Variants in TBC1D1 observed in about 807,000 individuals in gnomAD.
The protein encoded by TBC1D1 is TBC1 domain family member 1, also known as TBC1 (tre-2/USP6, BUB2, cdc16) domain family, member 1.
Under a neutral mutation model 125.6 loss-of-function variants are expected in TBC1D1, and 89 were observed. The observed-to-expected ratio is 0.71, with a 90% confidence interval of 0.60 to 0.85. TBC1D1 has a LOEUF of 0.85. Ranked by LOEUF, TBC1D1 falls within the 40% of genes least tolerant of loss-of-function variation. TBC1D1 has a pLI of 0.00. For synonymous variants in TBC1D1, 565 were observed against 564.1 expected (o/e 1.00, Z -0.02); for missense variants, 1,377 against 1,469.2 (o/e 0.94, Z 1.03).
At chr4:38,115,429 C>T (rs748863206) in intron 15 of TBC1D1, among the ~76,000 whole-genome samples, 1 of 152,148 alleles carries the variant, frequency 6.6e-6, no homozygotes, top group Non-Finnish European at 1.5e-5. Context: ...GATTGAAGTT[C>T]AGCTATTTGC....
intron 8 of TBC1D1, among the ~76,000 whole-genome samples, chr4:38,039,305 G>C (rs1334607026): frequency 6.6e-6 from 1 of 151,504 alleles, no homozygotes; most frequent in Non-Finnish European, 1.5e-5. Flanking sequence ...TTTTAGTAGA[G>C]ACGGGGTTTC....
At position 38,090,000 on chromosome 4, in the gene TBC1D1, G is replaced by C. The variant is rs1327049514; in HGVS notation, c.2119G>C (p.Gly707Arg). The C allele has an allele frequency of 3.7e-6, 6 of 1,614,006 alleles. No homozygotes were observed. Among genetic ancestry groups the C allele is most frequent in the Non-Finnish European group, 5.1e-6 (6 of 1,179,954 alleles). The change falls in exon 13 of 20, where the codon GGC becomes CGC. Residue 707 changes from glycine (G) to arginine (R), a missense_variant. Coordinates refer to ENST00000261439, the MANE Select transcript of TBC1D1 (RefSeq NM_015173.4). ...ACCAGTTTGTGAAGATGGGCCCTTT[G>C]GCCCCCCACCAGAGGAAAAGAAAAG...
At position 38,137,876 on chromosome 4, in the gene TBC1D1, G is replaced by C. The variant is rs921313316; in HGVS notation, c.*541G>C. The C allele has an allele frequency of 1.3e-5, 2 of 152,766 alleles. No individual in the cohort carries two copies. Among genetic ancestry groups the C allele is most frequent in the African/African-American group, 4.8e-5 (2 of 41,432 alleles). The allele number at this position is 152,766 out of a possible 1,614,324, so 9.5% of individuals were successfully genotyped here. A position where few individuals can be genotyped will look rare whatever the true frequency, so the allele number is the denominator to read the frequency against. On this transcript the variant is annotated 3_prime_UTR_variant, in exon 20 of 20. Transcript: ENST00000261439. ...TCTTGGGTCATTGATCCCTGGCTCAGAGGATAGCGGTTTCCATCATAAACC... is the reference window on the plus strand; with the variant it reads ...TCTTGGGTCATTGATCCCTGGCTCACAGGATAGCGGTTTCCATCATAAACC...
chr4:37,951,897 G>C, intron 2 of TBC1D1: 1 of 699,778 alleles, frequency 1.4e-6, no homozygotes, highest in Non-Finnish European at 2.7e-6. Context: ...TGGAGTTCAG[G>C]TGATAATGGG....
At chr4:37,898,878 C>T (rs1205565982) in intron 1 of TBC1D1, among the ~76,000 whole-genome samples, 1 of 152,088 alleles carries the variant, frequency 6.6e-6, no homozygotes, top group African/African-American at 2.4e-5. Flanking sequence ...GCATGAGAAA[C>T]GGGGAACCAT....
intron 15 of TBC1D1, among the ~76,000 whole-genome samples, chr4:38,106,575 T>C (rs1761330729): frequency 1.3e-5 from 2 of 152,114 alleles, no homozygotes; most frequent in Admixed American, 1.3e-4. Flanking sequence ...GGTGGGAGGC[T>C]GAAAGGGAGG....
rs187600493 is a variant in TBC1D1 at position 38,039,039 on chromosome 4, T to C, written c.1413+3341T>C. 2.6e-5 allele frequency among the ~76,000 whole-genome samples: 4 copies of C among 151,580 alleles called. No individual in the cohort carries two copies. In the East Asian group the frequency reaches 7.7e-4, roughly 29 times the overall value. Reference sequence around the variant, plus strand: ...ACCCCTTCCCCCAGGTAACCACTGTTTTGATTTTTTTCACCTTAGATTAGT... The same window carrying C: ...ACCCCTTCCCCCAGGTAACCACTGTCTTGATTTTTTTCACCTTAGATTAGT... On this transcript the variant is annotated intron_variant, in intron 8 of 19. Coordinates refer to ENST00000261439, the MANE Select transcript of TBC1D1 (RefSeq NM_015173.4).
intron 13 of TBC1D1, among the ~76,000 whole-genome samples, chr4:38,092,593 G>A (rs1758605472): frequency 6.6e-6 from 1 of 151,898 alleles, no homozygotes; most frequent in Admixed American, 6.6e-5. Context: ...AAATTAGCCA[G>A]GTGTGGTTGT....
intron 2 of TBC1D1, among the ~76,000 whole-genome samples, chr4:37,962,735 T>C (rs1416988698): frequency 1.3e-5 from 2 of 152,240 alleles, no homozygotes; most frequent in Non-Finnish European, 2.9e-5. Flanking sequence ...GTAGTTATGA[T>C]ATTTTTTATT....
intron 12 of TBC1D1, among the ~76,000 whole-genome samples, chr4:38,087,332 G>GAGTA (rs1021478804): frequency 6.6e-6 from 1 of 152,174 alleles, no homozygotes; most frequent in Non-Finnish European, 1.5e-5. Context: ...AAGTGGCAGA[G>GAGTA]AGTACATGGA....
intron 2 of TBC1D1, among the ~76,000 whole-genome samples, chr4:37,929,372 A>G (rs1307963852): frequency 2.0e-5 from 3 of 152,254 alleles, no homozygotes; most frequent in African/African-American, 7.2e-5. Flanking sequence ...GTTAAAATGC[A>G]AGATCATGTA....
At chr4:38,023,346 A>G (rs1180947209) in intron 6 of TBC1D1, among the ~76,000 whole-genome samples, 2 of 152,202 alleles carry the variant, frequency 1.3e-5, no homozygotes. Flanking sequence ...TAGTAAAAAC[A>G]TATGTAACAC....
chr4:38,116,153 C>G (rs564289874), intron 16 of TBC1D1, among the ~76,000 whole-genome samples, 199 bp downstream of exon 18: 2 of 152,290 alleles, frequency 1.3e-5, no homozygotes, highest in Non-Finnish European at 2.9e-5. Flanking sequence ...TTCATCGTCT[C>G]AATTTGTAGA....
intron 2 of TBC1D1, among the ~76,000 whole-genome samples, chr4:37,982,213 C>T (rs1349670781): frequency 6.6e-6 from 1 of 152,214 alleles, no homozygotes; most frequent in East Asian, 1.9e-4. Context: ...TGTTTACCAG[C>T]ACACAGCACA....
intron 2 of TBC1D1, among the ~76,000 whole-genome samples, chr4:37,937,548 TTATATG>T (rs1377506472): frequency 6.6e-6 from 1 of 152,188 alleles, no homozygotes; most frequent in African/African-American, 2.4e-5. Flanking sequence ...TTCATGAAGT[TTATATG>T]TAAATTACAA....
At chr4:37,916,645 A>G (rs1407120870) in intron 2 of TBC1D1, among the ~76,000 whole-genome samples, 1 of 152,154 alleles carries the variant, frequency 6.6e-6, no homozygotes, top group Non-Finnish European at 1.5e-5. Flanking sequence ...AGGACTCAAG[A>G]GTATGCAAAT....
chr4:38,095,516 C>T (rs752099768), intron 13 of TBC1D1, among the ~76,000 whole-genome samples: 13 of 152,126 alleles, frequency 8.5e-5, no homozygotes, highest in African/African-American at 2.9e-4. Flanking sequence ...AATAAGAAAA[C>T]GATCTTTGGA....
chr4:38,125,127 A>G lies in TBC1D1; in HGVS notation c.3128A>G (p.Asn1043Ser), dbSNP rs766646811. Residue 1043 changes from asparagine (N) to serine (S), a missense_variant, in exon 18 of 20, where the codon AAT (asparagine) becomes AGT (serine). By Grantham distance (46) the Asn-to-Ser change is conservative (BLOSUM62 1). Transcript: ENST00000261439. ...TTGGTACAGATGGAAAAGACCATCA[A>G]TCAGGTATGAGTCAGTCCAAACCTT... 18 of 1,614,060 alleles carry G rather than the reference A, an allele frequency of 1.1e-5. No individual in the cohort carries two copies. The highest frequency in any genetic ancestry group is 7.7e-5 in the South Asian group (7 of 91,082).
chr4:38,050,175 C>T (rs1750240420), intron 11 of TBC1D1, among the ~76,000 whole-genome samples: 1 of 152,204 alleles, frequency 6.6e-6, no homozygotes. Context: ...ACGTTGTTGA[C>T]TGTGGAACTT....
Sources: gnomAD v4.1 joint callset for allele counts (sites outside exome capture counted in the v4.1 genomes callset) on GRCh38, gnomAD v4.1.1 for gene constraint, MANE v1.5 for transcripts, NCBI Gene and HGNC (gene_info 2026-07-23, HGNC 2026-07-21) for gene names.